RANBP17: variants seen among roughly 807,000 people sequenced by gnomAD.
RANBP17 encodes the protein ran-binding protein 17.
A neutral mutation model predicts 141.2 loss-of-function variants in RANBP17; 158 were observed. The ratio of observed to expected loss-of-function variants is 1.12; its 90% CI spans 0.98 to 1.28. RANBP17 has a LOEUF of 1.28. Among genes scored for constraint, RANBP17 ranks in the 50% most tolerant of loss-of-function variants. The probability of loss-of-function intolerance (pLI) is 0.00; values close to 1 mark genes in which losing one functional copy is unlikely to be tolerated. For synonymous variants in RANBP17, 430 were observed against 450.0 expected, an observed-to-expected ratio of 0.96 and a Z score of 0.56; for missense variants, 1,438 against 1,290.7, an observed-to-expected ratio of 1.11 and a Z score of -1.75.
intron 25 of RANBP17, chr5:171,271,112 T>TTTTTTTTTTTTTC (rs1767091819): frequency 1.2e-5 from 1 of 85,128 alleles, no homozygotes; most frequent in African/African-American, 4.3e-5. Context: ...TTTTTTTTTT[T>TTTTTTTTTTTTTC]TTTTTTGCTA....
chr5:171,147,150 A>G (rs1758076705), intron 14 of RANBP17, among the ~76,000 whole-genome samples: 1 of 152,128 alleles, frequency 6.6e-6, no homozygotes, highest in Admixed American at 6.5e-5. Flanking sequence ...TGCAGTGCAC[A>G]AGACAGCCCC....
chr5:170,939,986 A>C (rs2127473399), intron 12 of RANBP17, among the ~76,000 whole-genome samples: 1 of 152,310 alleles, frequency 6.6e-6, no homozygotes, highest in Non-Finnish European at 1.5e-5. Context: ...AAAGCCAAGA[A>C]AGGAAAATAA....
rs1779574601 is a variant in RANBP17 at position 171,006,004 on chromosome 5, A to G, written c.1710+37627A>G. On this transcript the variant is annotated intron_variant, in intron 14 of 27. Coordinates refer to ENST00000523189, the MANE Select transcript of RANBP17 (RefSeq NM_022897.5). ...AAAGACACATGAAAAAATGCTCATC[A>G]TCACTGGCCATCAGAGAAATGCAAA... Among the ~76,000 whole-genome samples the G allele has an allele frequency of 2.6e-5, 4 of 152,234 alleles. No homozygotes were observed. The South Asian group carries it at 8.3e-4, about 32-fold the overall frequency.
intron 25 of RANBP17, among the ~76,000 whole-genome samples, chr5:171,269,242 G>A (rs995782094): frequency 6.6e-6 from 1 of 152,100 alleles, no homozygotes; most frequent in Non-Finnish European, 1.5e-5. Flanking sequence ...CTTATGCACA[G>A]TTTCTGTCGT....
At chr5:171,230,242 A>C (rs1764129183) in intron 22 of RANBP17, among the ~76,000 whole-genome samples, 1 of 152,144 alleles carries the variant, frequency 6.6e-6, no homozygotes, top group African/African-American at 2.4e-5. Context: ...GGGGGTTTAG[A>C]GAAGGCAATA....
At chr5:171,019,917 A>C (rs1355078804) in intron 14 of RANBP17, among the ~76,000 whole-genome samples, 1 of 152,182 alleles carries the variant, frequency 6.6e-6, no homozygotes, top group Non-Finnish European at 1.5e-5. Flanking sequence ...ATTTAGTGCT[A>C]TAAATTTCCC....
intron 14 of RANBP17, among the ~76,000 whole-genome samples, chr5:171,133,180 G>A (rs1054109353): frequency 1.3e-5 from 2 of 152,072 alleles, no homozygotes; most frequent in East Asian, 1.9e-4. Context: ...CACCGCGCCC[G>A]GCTGAATGTT....
Position 171,174,751 on chromosome 5 carries a change from A to AGAGAGT in RANBP17, c.1865+3466_1865+3467insAGAGTG, listed in dbSNP as rs1554110445. Among the ~76,000 whole-genome samples the AGAGAGT allele has an allele frequency of 7.4e-5, 10 of 135,716 alleles. No individual in the cohort carries two copies. In the South Asian group the frequency reaches 2.6e-3, roughly 35 times the overall value. 89.0% of individuals were successfully genotyped at this position (135,716 alleles called of 152,430 possible). A position where few individuals can be genotyped will look rare whatever the true frequency, so the allele number is the denominator to read the frequency against. ...ACATGAGAAAACTAAAAATATCTAG[A>AGAGAGT]GTGTGTGTGTGTGTGTGTGTGTGTG... On this transcript the variant is annotated intron_variant, in intron 16 of 27. Coordinates refer to ENST00000523189, the MANE Select transcript of RANBP17 (RefSeq NM_022897.5).
At chr5:170,979,120 C>G (rs767720339) in intron 14 of RANBP17, among the ~76,000 whole-genome samples, 1 of 152,134 alleles carries the variant, frequency 6.6e-6, no homozygotes, top group Non-Finnish European at 1.5e-5. Flanking sequence ...CTCATGAATT[C>G]TACCTATGGT....
At chr5:170,948,219 A>AGTTTTGT (rs1429159480) in intron 12 of RANBP17, among the ~76,000 whole-genome samples, 2 of 152,158 alleles carry the variant, frequency 1.3e-5, no homozygotes, top group African/African-American at 4.8e-5. Context: ...TATCATAGCA[A>AGTTTTGT]AAGAGGAGCT....
chr5:171,276,238 CTT>C (rs1184764090), intron 25 of RANBP17, among the ~76,000 whole-genome samples: 1 of 152,154 alleles, frequency 6.6e-6, no homozygotes, highest in Admixed American at 6.5e-5. Flanking sequence ...GACAGTACAT[CTT>C]TTTGAATAAG....
chr5:170,983,787 C>T (rs1387269745), intron 14 of RANBP17, among the ~76,000 whole-genome samples: 2 of 151,944 alleles, frequency 1.3e-5, no homozygotes, highest in Admixed American at 1.3e-4. Flanking sequence ...CGTTTGGTGC[C>T]CTGAAAACAC....
intron 22 of RANBP17, among the ~76,000 whole-genome samples, chr5:171,238,918 T>C (rs562699013): frequency 6.6e-6 from 1 of 152,326 alleles, no homozygotes; most frequent in South Asian, 2.1e-4. Context: ...CATCTTGACA[T>C]ACCTCTCTGA....
intron 25 of RANBP17, chr5:171,271,205 A>C (rs3749695): frequency 5.1e-6 from 1 of 194,632 alleles, no homozygotes; most frequent in African/African-American, 2.4e-5. Flanking sequence ...CTGAAAGAAC[A>C]TTCACCCTTT....
intron 14 of RANBP17, among the ~76,000 whole-genome samples, chr5:171,069,612 G>C (rs757458405): frequency 2.0e-5 from 3 of 152,122 alleles, no homozygotes; most frequent in African/African-American, 7.2e-5. Flanking sequence ...TTTCAGTACA[G>C]TGTTCAATAA....
intron 13 of RANBP17, among the ~76,000 whole-genome samples, chr5:170,959,878 ACT>A (rs1776008850): frequency 6.6e-6 from 1 of 152,138 alleles, no homozygotes; most frequent in African/African-American, 2.4e-5. Flanking sequence ...AGTTGGTCTT[ACT>A]CTCTCAGGGA....
At chr5:170,990,943 G>A (rs1778467282) in intron 14 of RANBP17, among the ~76,000 whole-genome samples, 1 of 151,750 alleles carries the variant, frequency 6.6e-6, no homozygotes, top group Non-Finnish European at 1.5e-5. Flanking sequence ...AATTTGAAAA[G>A]GAATAGCCAA....
intron 22 of RANBP17, among the ~76,000 whole-genome samples, chr5:171,234,279 G>A (rs547786284): frequency 6.6e-6 from 1 of 152,222 alleles, no homozygotes; most frequent in African/African-American, 2.4e-5. Context: ...TGTCTGAAGG[G>A]CAGCAAGGAG....
At chr5:171,232,385 A>G (rs1003510556) in intron 22 of RANBP17, among the ~76,000 whole-genome samples, 2 of 152,224 alleles carry the variant, frequency 1.3e-5, no homozygotes, top group African/African-American at 4.8e-5. Context: ...TGGAACCACC[A>G]TAAGCATACA....
Sources: gnomAD v4.1 joint callset for allele counts (sites outside exome capture counted in the v4.1 genomes callset) on GRCh38, gnomAD v4.1.1 for gene constraint, MANE v1.5 for transcripts, NCBI Gene and HGNC (gene_info 2026-07-23, HGNC 2026-07-21) for gene names.